Variants in PTPRD observed in about 807,000 individuals in gnomAD.
PTPRD encodes the protein protein tyrosine phosphatase receptor type D, also known as receptor-type tyrosine-protein phosphatase delta.
In PTPRD, 34 loss-of-function variants were observed where a neutral mutation model predicts 214.5. That is an observed-to-expected ratio of 0.16 (90% CI 0.12 to 0.21). The LOEUF is 0.21. Ranked by LOEUF, PTPRD falls within the 10% of genes least tolerant of loss-of-function variation. The probability of loss-of-function intolerance (pLI) is 1.00; values close to 1 mark genes in which losing one functional copy is unlikely to be tolerated. For synonymous variants in PTPRD, 1,128 were observed against 845.7 expected (o/e 1.33, Z -5.79); for missense variants, 2,545 against 2,398.7 (o/e 1.06, Z -1.27).
At chr9:9,554,748 G>A (rs1285818548) in intron 8 of PTPRD, among the ~76,000 whole-genome samples, 2 of 151,948 alleles carry the variant, frequency 1.3e-5, no homozygotes, top group South Asian at 2.1e-4. Flanking sequence ...CAGAGGAAAC[G>A]TCAACACTTC....
intron 5 of PTPRD, among the ~76,000 whole-genome samples, chr9:9,812,164 C>T (rs1446266366): frequency 6.6e-6 from 1 of 152,046 alleles, no homozygotes; most frequent in African/African-American, 2.4e-5. Context: ...TGCTATTTCA[C>T]ACTTCATAGA....
intron 11 of PTPRD, among the ~76,000 whole-genome samples, chr9:8,818,703 A>C (rs983595684): frequency 2.6e-5 from 4 of 152,250 alleles, no homozygotes; most frequent in African/African-American, 4.8e-5. Context: ...TGCTTCTTAC[A>C]AGAGCACTGC....
At position 10,050,559 on chromosome 9, in the gene PTPRD, CAAAAAAAAAA is replaced by C. The variant is rs1164243746; in HGVS notation, c.-544-16779_-544-16770del. Among the ~76,000 whole-genome samples the C allele has an allele frequency of 1.5e-3, 21 of 14,000 alleles. No individual in the cohort carries two copies. The South Asian group carries it at 0.043, about 28-fold the overall frequency. 9.2% of individuals were successfully genotyped at this position (14,000 alleles called of 152,430 possible). On this transcript the variant is annotated intron_variant, in intron 3 of 45. Transcript: ENST00000381196. ...TGGGCAATAAAGAGAGAGTCTGTCT[CAAAAAAAAAA>C]AAAAAAAAAAAAAAAAAAAAAGACT...
chr9:10,236,737 C>T (rs1241686882), intron 3 of PTPRD, among the ~76,000 whole-genome samples: 12 of 151,772 alleles, frequency 7.9e-5, no homozygotes, highest in Admixed American at 2.6e-4. Context: ...TTATTTAATA[C>T]CTCTATTTTG....
At chr9:10,489,720 A>C (rs567658628) in intron 2 of PTPRD, among the ~76,000 whole-genome samples, 1 of 152,196 alleles carries the variant, frequency 6.6e-6, no homozygotes, top group African/African-American at 2.4e-5. Context: ...GATGGTTTAA[A>C]TGGTCCCTCC....
At chr9:8,442,820 T>C (rs2095591657) in intron 34 of PTPRD, among the ~76,000 whole-genome samples, 1 of 152,146 alleles carries the variant, frequency 6.6e-6, no homozygotes, top group African/African-American at 2.4e-5. Context: ...TAATGACAAT[T>C]AGATTTAATT....
At chr9:8,835,054 G>C (rs1208727777) in intron 11 of PTPRD, among the ~76,000 whole-genome samples, 1 of 152,200 alleles carries the variant, frequency 6.6e-6, no homozygotes, top group Non-Finnish European at 1.5e-5. Context: ...AAGGACCCCA[G>C]GTTAAAGTCA....
chr9:8,929,787 ATATATGTG>A (rs2098934780), intron 11 of PTPRD, among the ~76,000 whole-genome samples: 9 of 123,408 alleles, frequency 7.3e-5, no homozygotes, highest in African/African-American at 1.9e-4. Flanking sequence ...ATGGGTGTGT[ATATATGTG>A]TGTGTATATA....
chr9:8,897,232 T>G (rs559229476), intron 11 of PTPRD, among the ~76,000 whole-genome samples: 1 of 152,242 alleles, frequency 6.6e-6, no homozygotes, highest in East Asian at 1.9e-4. Context: ...GCGTAAGTTG[T>G]AGACACTCAT....
chr9:8,849,268 C>T (rs923712505), intron 11 of PTPRD, among the ~76,000 whole-genome samples: 10 of 149,908 alleles, frequency 6.7e-5, no homozygotes, highest in South Asian at 2.1e-4. Context: ...CTCCGCCTCT[C>T]GGGTTCATGC....
intron 32 of PTPRD, among the ~76,000 whole-genome samples, chr9:8,464,032 T>C (rs1011133019): frequency 1.3e-5 from 2 of 151,950 alleles, no homozygotes; most frequent in African/African-American, 4.8e-5. Context: ...AAAAAATTCT[T>C]GATTCTGTAA....
At chr9:10,510,153 T>C (rs367558181) in intron 2 of PTPRD, among the ~76,000 whole-genome samples, 21 of 152,244 alleles carry the variant, frequency 1.4e-4, no homozygotes, top group Non-Finnish European at 2.8e-4. Context: ...GGCCTTAGAA[T>C]ATGAAGTCAA....
chr9:9,862,324 C>G (rs2062954581), intron 5 of PTPRD, among the ~76,000 whole-genome samples: 2 of 152,088 alleles, frequency 1.3e-5, no homozygotes, highest in Admixed American at 6.6e-5. Flanking sequence ...AAAGGAAACA[C>G]AAATTAGGTT....
At chr9:8,460,340 C>A (rs2134126002) in intron 33 of PTPRD, 71 bp downstream of exon 33, 1 of 1,564,104 alleles carries the variant, frequency 6.4e-7, no homozygotes, top group East Asian at 2.2e-5. Context: ...CTAAGGACAG[C>A]AGAACAATGA....
intron 5 of PTPRD, among the ~76,000 whole-genome samples, chr9:9,904,052 T>C (rs2077003040): frequency 6.6e-6 from 1 of 152,154 alleles, no homozygotes; most frequent in Non-Finnish European, 1.5e-5. Flanking sequence ...CCAGGTGCAC[T>C]GATGATAGTG....
At chr9:10,373,036 C>T (rs1359090) in intron 2 of PTPRD, among the ~76,000 whole-genome samples, 114,153 of 150,488 alleles carry the variant, frequency 0.76, 44,998 homozygotes, top group East Asian at 0.9. Context: ...TTTCACCATG[C>T]CAACCAGACT....
intron 4 of PTPRD, among the ~76,000 whole-genome samples, chr9:10,005,957 C>A (rs1317481657): frequency 1.3e-5 from 2 of 151,816 alleles, no homozygotes; most frequent in Non-Finnish European, 2.9e-5. Context: ...ATTCTAAAAT[C>A]TAAACTGAAT....
intron 11 of PTPRD, among the ~76,000 whole-genome samples, chr9:8,953,663 T>C (rs1427092788): frequency 1.3e-5 from 2 of 151,610 alleles, no homozygotes; most frequent in Non-Finnish European, 2.9e-5. Flanking sequence ...CAAAAACAAA[T>C]AACCCAGTGA....
At chr9:8,350,138 G>C (rs1016059075) in intron 39 of PTPRD, among the ~76,000 whole-genome samples, 1 of 152,058 alleles carries the variant, frequency 6.6e-6, no homozygotes, top group Non-Finnish European at 1.5e-5. Context: ...TTAATGTCCC[G>C]TGATGTGATA....
Sources: allele counts gnomAD v4.1 joint callset (sites outside exome capture counted in the v4.1 genomes callset), GRCh38; gene constraint gnomAD v4.1.1; transcripts MANE v1.5; gene names NCBI Gene and HGNC (gene_info 2026-07-23, HGNC 2026-07-21).